Variants in ZBTB10 observed in about 807,000 individuals in gnomAD.
ZBTB10 encodes zinc finger and BTB domain containing 10, also known as zinc finger and BTB domain-containing protein 10.
In ZBTB10, 32 loss-of-function variants were observed where a neutral mutation model predicts 76.4. The ratio of observed to expected loss-of-function variants is 0.42; its 90% CI spans 0.32 to 0.56. The LOEUF (loss-of-function observed/expected upper bound fraction) is 0.56, where lower values mean the gene tolerates loss of function less well. Among genes scored for constraint, ZBTB10 ranks in the 20% least tolerant of loss-of-function variants. ZBTB10 has a pLI of 0.14. For missense variants in ZBTB10, 1,057 were observed against 1,098.5 expected (o/e 0.96, Z 0.53); for synonymous variants, 523 against 432.9 (o/e 1.21, Z -2.58).
At position 80,486,243 on chromosome 8, in the gene ZBTB10, C is replaced by T. The variant is rs1173427837; in HGVS notation, c.-568C>T. ...CGTTGTTCATTTGCCATTCGACCTC[C>T]GCCAGGGCCTGGTCGGACGGAAACG... is the stretch of plus-strand genomic sequence containing the variant. On this transcript the variant is annotated 5_prime_UTR_variant, in exon 1 of 6. Transcript: ENST00000455036. 2.9e-6 allele frequency: 3 copies of T among 1,030,650 alleles called. No homozygotes were observed. The highest frequency in any genetic ancestry group is 1.2e-6 in the Non-Finnish European group (1 of 860,526). The allele number at this position is 1,030,650 out of a possible 1,614,324, so 63.8% of individuals were successfully genotyped here.
In ZBTB10 at chr8:80,500,281, A is replaced by C. The variant is rs776776805; in HGVS notation, c.1760A>C (p.Asn587Thr). 2.5e-6 allele frequency: 4 copies of C among 1,575,154 alleles called. No individual in the cohort carries two copies. The highest frequency in any genetic ancestry group is 3.4e-6 in the Non-Finnish European group (4 of 1,159,776). ...CAAACTACAAAAAGATTTATTTATAATATTCCACCTAATAATGAAACGAAT... is the reference window on the plus strand; with the variant it reads ...CAAACTACAAAAAGATTTATTTATACTATTCCACCTAATAATGAAACGAAT... ...KNQTTKRFIY[N>T]IPPNNETNLE... is the part of the protein sequence containing the mutation. Residue 587 changes from asparagine to threonine, a missense_variant, in exon 2 of 6, where the codon AAT becomes ACT. Physicochemically the swap from Asn to Thr is moderately conservative, Grantham distance 65. This residue lies in a region of ZBTB10 where 306 missense variants were observed against 297.5 expected (regional missense o/e 1.03). Coordinates refer to ENST00000455036, the MANE Select transcript of ZBTB10 (RefSeq NM_001105539.3).
At chr8:80,492,423 A>T (rs1217788529) in intron 1 of ZBTB10, among the ~76,000 whole-genome samples, 2 of 152,206 alleles carry the variant, frequency 1.3e-5, no homozygotes, top group Non-Finnish European at 2.9e-5. Context: ...GGAGAGACAG[A>T]CATGACCGAA....
chr8:80,499,498 C>T lies in ZBTB10; in HGVS notation c.977C>T (p.Ser326Leu), dbSNP rs1225001279. The part of the protein sequence containing the change: ...HKLHEANAQE[S>L]EIPSEEGYCD... ...ATGTTTTTTATCCAATTACAGGAGT[C>T]AGAAATACCATCAGAGGAGGGGTAC... The change falls in exon 2 of 6, where the codon TCA becomes TTA. Residue 326 changes from serine (S) to leucine (L), a missense_variant. This residue lies in a region of ZBTB10 where 86 missense variants were observed against 145.7 expected (regional missense o/e 0.59). Transcript: ENST00000455036. 6.3e-7 allele frequency: 1 copy of T among 1,579,270 alleles called. No individual in the cohort carries two copies. The highest frequency in any genetic ancestry group is 2.2e-5 in the East Asian group (1 of 44,488).
Position 80,520,874 on chromosome 8 carries a change from C to T in ZBTB10, c.*1346C>T, listed in dbSNP as rs766859751. The T allele has an allele frequency of 1.3e-5, 2 of 151,918 alleles. No homozygotes were observed. Among genetic ancestry groups the T allele is most frequent in the Admixed American group, 6.6e-5 (1 of 15,244 alleles). 9.4% of individuals were successfully genotyped at this position (151,918 alleles called of 1,614,324 possible). A position where few individuals can be genotyped will look rare whatever the true frequency, so the allele number is the denominator to read the frequency against. The stretch of plus-strand genomic sequence containing the variant: ...TGACATGAATTAGCTGATTGTGGAA[C>T]TCTCAGCAGCATTTCACGTATTGTT... On this transcript the variant is annotated 3_prime_UTR_variant, in exon 6 of 6. Coordinates refer to ENST00000455036, the MANE Select transcript of ZBTB10 (RefSeq NM_001105539.3).
chr8:80,500,572 T>A (rs777019653), intron 2 of ZBTB10, among the ~76,000 whole-genome samples, 190 bp downstream of exon 2: 1 of 152,184 alleles, frequency 6.6e-6, no homozygotes, highest in Non-Finnish European at 1.5e-5. Context: ...TCAACACATA[T>A]ATATGTGGGT....
In ZBTB10 at chr8:80,524,265, C is replaced by A. The variant is rs1816505443; in HGVS notation, c.*4737C>A. ...ATTTGTATGTTTTTATATGAAAGTA[C>A]ATAAATGACAGACTACCTCCAAGTA... On this transcript the variant is annotated 3_prime_UTR_variant, in exon 6 of 6. Transcript: ENST00000455036. 1 of 152,018 alleles carries A rather than the reference C, an allele frequency of 6.6e-6. No individual in the cohort carries two copies. Among genetic ancestry groups the A allele is most frequent in the South Asian group, 2.1e-4 (1 of 4,836 alleles). The allele number at this position is 152,018 out of a possible 1,614,324, so 9.4% of individuals were successfully genotyped here.
chr8:80,503,300 A>C (rs1271566315), intron 2 of ZBTB10, among the ~76,000 whole-genome samples: 9 of 152,114 alleles, frequency 5.9e-5, no homozygotes, highest in African/African-American at 2.2e-4. Flanking sequence ...TATTCATATC[A>C]GTTTTCCGGT....
At chr8:80,507,711 C>G (rs1816095986) in intron 2 of ZBTB10, among the ~76,000 whole-genome samples, 1 of 152,118 alleles carries the variant, frequency 6.6e-6, no homozygotes, top group Non-Finnish European at 1.5e-5. Flanking sequence ...CCTGCCTCAG[C>G]CTCCTGAGTA....
Position 80,499,973 on chromosome 8 carries a change from A to G in ZBTB10, c.1452A>G (p.Pro484=), listed in dbSNP as rs760335556. The change falls in exon 2 of 6, where the codon CCA becomes CCG. Residue 484 remains proline (P), a synonymous_variant. Transcript: ENST00000455036. ...SVVVDYNNRK[P]VNRDGLSSSR... Reference sequence around the variant, plus strand: ...TTGTGGACTATAATAATAGAAAACCAGTTAATAGAGATGGTCTGTCTTCAT... The same window carrying G: ...TTGTGGACTATAATAATAGAAAACCGGTTAATAGAGATGGTCTGTCTTCAT... The G allele has an allele frequency of 5.6e-6, 9 of 1,613,862 alleles. No homozygotes were observed. In the Admixed American group the frequency reaches 1.5e-4, roughly 27 times the overall value.
chr8:80,508,739 G>C (rs1419314766), intron 2 of ZBTB10, among the ~76,000 whole-genome samples: 1 of 152,114 alleles, frequency 6.6e-6, no homozygotes, highest in Non-Finnish European at 1.5e-5. Context: ...TAAGTGGGTC[G>C]AAGAATAGAA....
chr8:80,486,629 G>A lies in ZBTB10; in HGVS notation c.-182G>A. 3 of 987,840 alleles carry A rather than the reference G, an allele frequency of 3.0e-6. No homozygotes were observed. In the South Asian group the frequency reaches 1.4e-4, roughly 46 times the overall value. 61.2% of individuals were successfully genotyped at this position (987,840 alleles called of 1,614,324 possible). A position where few individuals can be genotyped will look rare whatever the true frequency, so the allele number is the denominator to read the frequency against. On this transcript the variant is annotated 5_prime_UTR_variant, in exon 1 of 6. Transcript: ENST00000455036. ...GCAGCGGCAGCGGCAGCGGACGCGT[G>A]CAGCAGACCCGGGAGCGAGCGCGAG...
upstream of ZBTB10, chr8:80,486,131 A>G: frequency 2.2e-5 from 5 of 226,838 alleles, no homozygotes; most frequent in South Asian, 1.8e-4. Context: ...GCCCAGCCCC[A>G]AGCCCAGCCC....
At position 80,487,776 on chromosome 8, in the gene ZBTB10, C is replaced by T. The variant is rs756435933; in HGVS notation, c.966C>T (p.Asn322=). The T allele has an allele frequency of 6.3e-6, 10 of 1,591,800 alleles. No individual in the cohort carries two copies. The Admixed American group carries it at 1.7e-4, about 28-fold the overall frequency. ...CCGAGCACAAACTCCACGAAGCCAA[C>T]GCCCAGGTACAGTATATCCTGCTCC... ...VSTEHKLHEA[N]AQESEIPSEE... is the part of the protein sequence containing the mutation. The change falls in exon 1 of 6, where the codon AAC becomes AAT. Residue 322 remains asparagine (N), a synonymous_variant. Coordinates refer to ENST00000455036, the MANE Select transcript of ZBTB10 (RefSeq NM_001105539.3).
At chr8:80,499,164 TTTC>T (rs1264877722) in intron 1 of ZBTB10, among the ~76,000 whole-genome samples, 3 of 152,196 alleles carry the variant, frequency 2.0e-5, no homozygotes, top group East Asian at 3.8e-4. Context: ...TAAGAGAAAG[TTTC>T]TTTTCTTAAG....
At chr8:80,496,369 C>CTT (rs537668345) in intron 1 of ZBTB10, among the ~76,000 whole-genome samples, 2 of 127,270 alleles carry the variant, frequency 1.6e-5, no homozygotes, top group African/African-American at 5.8e-5. Context: ...TATGTGGTTT[C>CTT]TTTTTTTTTT....
intron 1 of ZBTB10, among the ~76,000 whole-genome samples, chr8:80,498,725 C>T (rs917144942): frequency 2.0e-5 from 3 of 152,124 alleles, no homozygotes; most frequent in South Asian, 2.1e-4. Context: ...TTTATTCTTA[C>T]GATTATATCA....
intron 2 of ZBTB10, among the ~76,000 whole-genome samples, chr8:80,503,335 A>AG: frequency 6.6e-6 from 1 of 152,156 alleles, no homozygotes; most frequent in East Asian, 1.9e-4. Context: ...ACCAAATGCC[A>AG]GATAGATGGT....
rs560292258 is a variant in ZBTB10 at position 80,488,269 on chromosome 8, A to G, written c.972+487A>G. Among the ~76,000 whole-genome samples the G allele has an allele frequency of 1.4e-4, 21 of 152,358 alleles. No individual in the cohort carries two copies. The South Asian group carries it at 4.3e-3, about 32-fold the overall frequency. ...CCTTTCAGGAAAACGTCCAGCCGAA[A>G]AAATTCTTTATATGAAATCAAAATA... On this transcript the variant is annotated intron_variant, in intron 1 of 5. Transcript: ENST00000455036.
chr8:80,516,756 T>G (rs920504139), intron 3 of ZBTB10, among the ~76,000 whole-genome samples: 10 of 152,246 alleles, frequency 6.6e-5, no homozygotes, highest in Admixed American at 3.3e-4. Flanking sequence ...ATTTTTACTT[T>G]GTTGGGTATT....
Sources: allele counts gnomAD v4.1 joint callset (sites outside exome capture counted in the v4.1 genomes callset), GRCh38; gene constraint gnomAD v4.1.1; regional missense constraint gnomAD v4.1.1; transcripts MANE v1.5; gene names NCBI Gene and HGNC (gene_info 2026-07-23, HGNC 2026-07-21).